The following TSPAN9 variants were observed in gnomAD, a reference collection of about 807,000 sequenced individuals.
TSPAN9 encodes tetraspanin 9, also known as tetraspanin-9.
A neutral mutation model predicts 31.0 loss-of-function variants in TSPAN9; 16 were observed. The observed-to-expected ratio is 0.52, with a 90% CI of 0.35 to 0.78. The LOEUF (loss-of-function observed/expected upper bound fraction) is 0.78, where lower values mean the gene tolerates loss of function less well. Ranked by LOEUF, TSPAN9 falls within the 30% of genes least tolerant of loss-of-function variation. The pLI is 0.01. For missense variants in TSPAN9, 272 were observed against 312.5 expected, an observed-to-expected ratio of 0.87 and a Z score of 0.98; for synonymous variants, 145 against 121.6, an observed-to-expected ratio of 1.19 and a Z score of -1.27.
Position 3,109,179 on chromosome 12 carries a change from G to A in TSPAN9, c.-18+25460G>A, listed in dbSNP as rs375256769. ...TCTCGATCTCCTGACCTCGTGATCC[G>A]CCCGCCTTGGCCTCCCAGAGTGCTG... On this transcript the variant is annotated intron_variant, in intron 2 of 8. Coordinates refer to ENST00000011898, the MANE Select transcript of TSPAN9 (RefSeq NM_006675.5). Among the ~76,000 whole-genome samples, 204 of 151,600 alleles carry A rather than the reference G, an allele frequency of 1.3e-3. 1 individual carries two copies. Among genetic ancestry groups the A allele is most frequent in the Middle Eastern group, 0.01 (3 of 294 alleles).
At chr12:3,078,460 A>G (rs2098296221) in intron 1 of TSPAN9, among the ~76,000 whole-genome samples, 2 of 152,194 alleles carry the variant, frequency 1.3e-5, no homozygotes, top group African/African-American at 4.8e-5. Flanking sequence ...AAATAGCCAC[A>G]GAGAATGTTG....
At chr12:3,251,725 C>T (rs1862246570) in intron 3 of TSPAN9, among the ~76,000 whole-genome samples, 1 of 152,214 alleles carries the variant, frequency 6.6e-6, no homozygotes, top group Non-Finnish European at 1.5e-5. Context: ...CCTGGGCCTC[C>T]TTCCTCTGAC....
At chr12:3,191,614 G>T (rs913306521) in intron 2 of TSPAN9, among the ~76,000 whole-genome samples, 1 of 152,142 alleles carries the variant, frequency 6.6e-6, no homozygotes, top group Non-Finnish European at 1.5e-5. Context: ...AGCCCCGGAA[G>T]CCCTCCCTGC....
At chr12:3,185,785 G>A (rs1481647736) in intron 2 of TSPAN9, among the ~76,000 whole-genome samples, 1 of 152,212 alleles carries the variant, frequency 6.6e-6, no homozygotes, top group East Asian at 1.9e-4. Flanking sequence ...GTTTTGGGGG[G>A]TTTCTTCTAG....
At chr12:3,207,516 A>G (rs1331853955) in intron 3 of TSPAN9, among the ~76,000 whole-genome samples, 1 of 152,094 alleles carries the variant, frequency 6.6e-6, no homozygotes, top group African/African-American at 2.4e-5. Flanking sequence ...GAGCAGCACA[A>G]GGTCGAGATG....
At chr12:3,230,355 A>G (rs902516134) in intron 3 of TSPAN9, among the ~76,000 whole-genome samples, 1 of 152,094 alleles carries the variant, frequency 6.6e-6, no homozygotes, top group Admixed American at 6.5e-5. Context: ...TTCCTGAGGC[A>G]TAGTCTCACA....
chr12:3,265,476 A>G (rs1309235824), intron 3 of TSPAN9, among the ~76,000 whole-genome samples: 2 of 152,234 alleles, frequency 1.3e-5, no homozygotes, highest in Admixed American at 6.5e-5. Context: ...ATACAGGTGC[A>G]AAAAGGTCCA....
intron 2 of TSPAN9, among the ~76,000 whole-genome samples, chr12:3,156,354 G>A (rs1347249402): frequency 6.6e-6 from 1 of 152,174 alleles, no homozygotes; most frequent in Non-Finnish European, 1.5e-5. Context: ...GCCCCCTCCA[G>A]GACTGGGAGA....
At chr12:3,230,937 G>T (rs1208672285) in intron 3 of TSPAN9, among the ~76,000 whole-genome samples, 1 of 152,126 alleles carries the variant, frequency 6.6e-6, no homozygotes, top group Non-Finnish European at 1.5e-5. Flanking sequence ...GTACCTTCCT[G>T]CCTGGAGGTG....
intron 2 of TSPAN9, among the ~76,000 whole-genome samples, chr12:3,102,435 ATTT>A (rs33918863): frequency 7.4e-6 from 1 of 135,248 alleles, no homozygotes. Flanking sequence ...CCAAGGAGGA[ATTT>A]TTTTTTTTTT....
intron 2 of TSPAN9, among the ~76,000 whole-genome samples, chr12:3,096,194 A>G (rs1014563563): frequency 2.0e-5 from 3 of 152,206 alleles, no homozygotes; most frequent in Admixed American, 6.5e-5. Flanking sequence ...GATTCAAGTC[A>G]GGAACTAAAA....
chr12:3,164,938 C>T (rs927450445), intron 2 of TSPAN9, among the ~76,000 whole-genome samples: 1 of 152,286 alleles, frequency 6.6e-6, no homozygotes, highest in South Asian at 2.1e-4. Context: ...ATTTCAGAGC[C>T]TTGAACGTGC....
intron 2 of TSPAN9, among the ~76,000 whole-genome samples, chr12:3,114,499 T>C (rs1591634057): frequency 1.3e-5 from 2 of 151,890 alleles, no homozygotes; most frequent in African/African-American, 4.8e-5. Flanking sequence ...CAGGAGGTGG[T>C]GAATTTGTGG....
chr12:3,182,034 T>C (rs925534505), intron 2 of TSPAN9, among the ~76,000 whole-genome samples: 1 of 152,008 alleles, frequency 6.6e-6, no homozygotes, highest in Non-Finnish European at 1.5e-5. Flanking sequence ...TTGAGGTCTT[T>C]GGAGGGCCCG....
chr12:3,119,384 C>A (rs2098324057), intron 2 of TSPAN9, among the ~76,000 whole-genome samples: 1 of 152,188 alleles, frequency 6.6e-6, no homozygotes, highest in African/African-American at 2.4e-5. Context: ...AAACTCAAAT[C>A]TGGGGCATTC....
chr12:3,189,051 G>C (rs909044334), intron 2 of TSPAN9, among the ~76,000 whole-genome samples: 3 of 152,338 alleles, frequency 2.0e-5, no homozygotes, highest in Non-Finnish European at 4.4e-5. Flanking sequence ...TTGTACAAAG[G>C]AAAAGCATTT....
At chr12:3,146,297 T>C (rs375662404) in intron 2 of TSPAN9, among the ~76,000 whole-genome samples, 133 of 152,276 alleles carry the variant, frequency 8.7e-4, no homozygotes, top group African/African-American at 2.9e-3. Flanking sequence ...CAGCTTCCCC[T>C]GGGTGTCTCA....
chr12:3,181,561 T>C (rs11062553), intron 2 of TSPAN9, among the ~76,000 whole-genome samples: 49,810 of 152,020 alleles, frequency 0.33, 8,904 homozygotes, highest in African/African-American at 0.47. Context: ...ACCTCTGGCC[T>C]GTGCAGAGGG....
At position 3,268,204 on chromosome 12, in the gene TSPAN9, G is replaced by C. The variant is rs1336880686; in HGVS notation, c.64-10217G>C. Among the ~76,000 whole-genome samples, 51 of 117,098 alleles carry C rather than the reference G, an allele frequency of 4.4e-4. 1 individual carries two copies. Among genetic ancestry groups the C allele is most frequent in the Middle Eastern group, 5.6e-3 (1 of 178 alleles). The allele number at this position is 117,098 out of a possible 152,430, so 76.8% of individuals were successfully genotyped here. ...CGTGCGTTCCTGCAGCCTGCCCTCT[G>C]TGCGTTCCTGCAGCCTGCCCTCTCT... On this transcript the variant is annotated intron_variant, in intron 3 of 8. Transcript: ENST00000011898.
Sources: allele counts gnomAD v4.1 joint callset (sites outside exome capture counted in the v4.1 genomes callset), GRCh38; gene constraint gnomAD v4.1.1; transcripts MANE v1.5; gene names NCBI Gene and HGNC (gene_info 2026-07-23, HGNC 2026-07-21).